The following PFKFB3 variants were observed in gnomAD, a reference collection of about 807,000 sequenced individuals.
The protein encoded by PFKFB3 is 6-phosphofructo-2-kinase/fructose-2,6-bisphosphatase 3.
A neutral mutation model predicts 68.0 loss-of-function variants in PFKFB3; 33 were observed. The ratio of observed to expected loss-of-function variants is 0.49; its 90% CI spans 0.37 to 0.65. The LOEUF is 0.65. PFKFB3 is among the 30% of genes least tolerant of loss of function. The pLI, the probability that PFKFB3 is intolerant of heterozygous loss-of-function variation, is 0.00. For synonymous variants in PFKFB3, 315 were observed against 288.2 expected, an observed-to-expected ratio of 1.09 and a Z score of -0.94; for missense variants, 586 against 712.2, an observed-to-expected ratio of 0.82 and a Z score of 2.02.
chr10:6,221,851 G>C (rs1269540595), intron 10 of PFKFB3, 106 bp downstream of exon 10: 1 of 717,172 alleles, frequency 1.4e-6, no homozygotes, highest in East Asian at 2.7e-5. Context: ...GGTTCTGGGG[G>C]CTCCTACACC....
rs1564619739 is a variant in PFKFB3 at position 6,206,836 on chromosome 10, GACGGGGTGGCGGCCGGGCAGAGACGCTC to G, written c.76+3501_76+3528del. ...GGGCAGAGACGCTCCTCACTTCCCAGACGGGGTGGCGGCCGGGCAGAGACGCTCCTCACTTTCCAGACTGGGCAGCCAG... is the reference window on the plus strand; with the variant it reads ...GGGCAGAGACGCTCCTCACTTCCCAGCTCACTTTCCAGACTGGGCAGCCAG... On this transcript the variant is annotated intron_variant, in intron 1 of 14. Coordinates refer to ENST00000379775, the MANE Select transcript of PFKFB3 (RefSeq NM_004566.4). 5.5e-3 allele frequency among the ~76,000 whole-genome samples: 166 copies of G among 30,090 alleles called. 1 individual carries two copies. Among genetic ancestry groups the G allele is most frequent in the African/African-American group, 0.018 (157 of 8,782 alleles). The allele number at this position is 30,090 out of a possible 152,430, so 19.7% of individuals were successfully genotyped here. A position where few individuals can be genotyped will look rare whatever the true frequency, so the allele number is the denominator to read the frequency against.
chr10:6,192,818 A>T (rs1392760134), intron 1 of PFKFB3, among the ~76,000 whole-genome samples: 4 of 152,152 alleles, frequency 2.6e-5, no homozygotes, highest in Non-Finnish European at 5.9e-5. Context: ...GGGCTTGCAC[A>T]GTTACAAAAA....
chr10:6,205,977 T>G, intron 1 of PFKFB3, among the ~76,000 whole-genome samples: 1 of 147,202 alleles, frequency 6.8e-6, no homozygotes. Context: ...AAAAAAAATT[T>G]TTTTTTTTTT....
rs1044536391 is a variant in PFKFB3, at chr10:6,252,545, A to G, written c.1516-1633A>G. Among the ~76,000 whole-genome samples the G allele has an allele frequency of 6.6e-4, 100 of 152,356 alleles. 1 individual carries two copies. Among genetic ancestry groups the G allele is most frequent in the African/African-American group, 2.3e-3 (96 of 41,590 alleles). On this transcript the variant is annotated intron_variant, in intron 14 of 14. Coordinates refer to the PFKFB3 transcript ENST00000640683. ...GAAATGATTGAAATACCTTATTTAC[A>G]TAGAAGAATGAGATATATATAATAC...
the PFKFB3 span, among the ~76,000 whole-genome samples, chr10:6,267,823 C>T: frequency 4.6e-5 from 7 of 151,580 alleles, no homozygotes; most frequent in Non-Finnish European, 7.4e-5. Context: ...GGCATGGTGG[C>T]GGGCGCCTGT....
At chr10:6,267,133 A>G in the PFKFB3 span, among the ~76,000 whole-genome samples, 1 of 152,268 alleles carries the variant, frequency 6.6e-6, no homozygotes, top group South Asian at 2.1e-4. Flanking sequence ...TGACAATTTT[A>G]CATGCAAACA....
At chr10:6,180,223 A>ATGGG (rs1394499469) in intron 1 of PFKFB3, among the ~76,000 whole-genome samples, 1 of 151,510 alleles carries the variant, frequency 6.6e-6, no homozygotes, top group Non-Finnish European at 1.5e-5. Context: ...TAATGGATGG[A>ATGGG]TGGAGGAATG....
At chr10:6,226,556 A>G in intron 14 of PFKFB3, 191 bp downstream of exon 14, 1 of 575,768 alleles carries the variant, frequency 1.7e-6, no homozygotes, top group Non-Finnish European at 3.0e-6. Context: ...TTGAGGGAGA[A>G]CATAGGAAGC....
At chr10:6,319,559 A>G in the PFKFB3 span, among the ~76,000 whole-genome samples, 1 of 152,200 alleles carries the variant, frequency 6.6e-6, no homozygotes, top group African/African-American at 2.4e-5. Flanking sequence ...AATATTCACC[A>G]TTTGGGTGAT....
rs1461381963 is a variant in PFKFB3, at chr10:6,247,115, C to T, written c.1516-7063C>T. ...TGGAAGCAGAAGCAAGATGTCTAAA[C>T]GGCTGTCTTCATTCTCGGCTTGGCT... On this transcript the variant is annotated intron_variant, in intron 14 of 14. Transcript: ENST00000640683. Among the ~76,000 whole-genome samples, 5 of 152,152 alleles carry T rather than the reference C, an allele frequency of 3.3e-5. No homozygotes were observed. The South Asian group carries it at 6.2e-4, about 19-fold the overall frequency.
At chr10:6,210,049 G>GTGCACCCCTCTCTTGTTCTGCAGT (rs1204853552) in intron 1 of PFKFB3, among the ~76,000 whole-genome samples, 22 of 123,638 alleles carry the variant, frequency 1.8e-4, no homozygotes, top group Admixed American at 5.9e-4. Flanking sequence ...ACCGTGCCCG[G>GTGCACCCCTCTCTTGTTCTGCAGT]CCTAATACTT....
chr10:6,159,543 T>G (rs1324618583), intron 1 of PFKFB3, among the ~76,000 whole-genome samples: 1 of 150,900 alleles, frequency 6.6e-6, no homozygotes, highest in Non-Finnish European at 1.5e-5. Context: ...TACAAAAAAA[T>G]TAGCTGGGTG....
At chr10:6,306,285 C>T in the PFKFB3 span, among the ~76,000 whole-genome samples, 1 of 152,188 alleles carries the variant, frequency 6.6e-6, no homozygotes, top group Admixed American at 6.5e-5. Context: ...GTCTCCTGTC[C>T]CTGAACCCTA....
intron 1 of PFKFB3, among the ~76,000 whole-genome samples, chr10:6,213,189 G>T (rs570318113): frequency 1.1e-4 from 16 of 152,278 alleles, no homozygotes; most frequent in African/African-American, 3.6e-4. Context: ...GGGTTGCCTG[G>T]TCCCACTGTG....
intron 3 of PFKFB3, 106 bp from the exon 4 acceptor site, chr10:6,216,019 A>C: frequency 9.6e-7 from 1 of 1,039,366 alleles, no homozygotes; most frequent in Non-Finnish European, 1.5e-6. Flanking sequence ...GCAGTGTAGA[A>C]TGGAACCACC....
At chr10:6,160,342 G>C (rs1248711610) in intron 1 of PFKFB3, among the ~76,000 whole-genome samples, 1 of 152,040 alleles carries the variant, frequency 6.6e-6, no homozygotes, top group Non-Finnish European at 1.5e-5. Context: ...GAGATGAGGC[G>C]AGGACTGTGA....
At position 6,228,152 on chromosome 10, in the gene PFKFB3, G is replaced by GGAGT. The variant is rs1338963680; in HGVS notation, c.1515+1787_1515+1788insGAGT. The GGAGT allele has an allele frequency of 3.7e-6, 6 of 1,612,018 alleles. No homozygotes were observed. The highest frequency in any genetic ancestry group is 5.1e-6 in the Non-Finnish European group (6 of 1,179,280). ...TCAGGGCTTCGTCCCTGCAGATTGC[G>GGAGT]CCCTGCCTCCTGACTGACTTCTCTC... On this transcript the variant is annotated intron_variant, in intron 14 of 14. Transcript: ENST00000379775. The surrounding 1 kb of genome is among the most constrained non-coding windows in gnomAD (Gnocchi z 4.5).
At chr10:6,174,312 A>G (rs1842396610) in intron 1 of PFKFB3, among the ~76,000 whole-genome samples, 1 of 152,160 alleles carries the variant, frequency 6.6e-6, no homozygotes, top group African/African-American at 2.4e-5. Flanking sequence ...GTCCAGCCTT[A>G]CAGCCTAGTT....
the PFKFB3 span, among the ~76,000 whole-genome samples, chr10:6,280,047 C>T: frequency 2.0e-5 from 3 of 152,182 alleles, no homozygotes; most frequent in African/African-American, 4.8e-5. Context: ...TGTCACACAG[C>T]GGACACACCT....
Sources: gnomAD v4.1 joint callset for allele counts (sites outside exome capture counted in the v4.1 genomes callset) on GRCh38, gnomAD v4.1.1 for gene constraint, Gnocchi (gnomAD v3.1) non-coding constraint, MANE v1.5 for transcripts, NCBI Gene and HGNC (gene_info 2026-07-23, HGNC 2026-07-21) for gene names.